SLIT2: variants seen among roughly 807,000 people sequenced by gnomAD.
SLIT2 encodes slit homolog 2 protein.
SLIT2 carries 41 observed loss-of-function variants against 185.7 expected under a neutral mutation model. The observed-to-expected ratio is 0.22, with a 90% CI of 0.17 to 0.29. SLIT2 has a LOEUF of 0.29. SLIT2 is among the 10% of genes least tolerant of loss of function. The pLI, the probability that SLIT2 is intolerant of heterozygous loss-of-function variation, is 1.00. For synonymous variants in SLIT2, 693 were observed against 680.2 expected, an observed-to-expected ratio of 1.02 and a Z score of -0.29; for missense variants, 1,571 against 1,909.0, an observed-to-expected ratio of 0.82 and a Z score of 3.30.
chr4:20,299,967 T>G (rs923895028), intron 4 of SLIT2, among the ~76,000 whole-genome samples: 1 of 61,380 alleles, frequency 1.6e-5, no homozygotes, highest in Admixed American at 1.4e-4. Context: ...ATGTATGATA[T>G]CATCATTCAA....
chr4:20,463,973 T>C (rs1355072176), intron 4 of SLIT2, among the ~76,000 whole-genome samples: 1 of 152,062 alleles, frequency 6.6e-6, no homozygotes, highest in African/African-American at 2.4e-5. Flanking sequence ...CTCATCTAAC[T>C]TCAGAGTGAC....
intron 29 of SLIT2, among the ~76,000 whole-genome samples, chr4:20,580,415 G>A (rs1184378585): frequency 9.5e-6 from 1 of 105,656 alleles, no homozygotes; most frequent in African/African-American, 3.2e-5. Flanking sequence ...TTATACGTGT[G>A]TGTGTGTGTG....
chr4:20,573,117 AG>A, intron 29 of SLIT2: 1 of 684,272 alleles, frequency 1.5e-6, no homozygotes, highest in Non-Finnish European at 2.7e-6. Flanking sequence ...GCCTTGCTTC[AG>A]CTTGCTCGCC....
chr4:20,540,508 T>G (rs1431774151), intron 19 of SLIT2, among the ~76,000 whole-genome samples: 1 of 151,926 alleles, frequency 6.6e-6, no homozygotes, highest in Non-Finnish European at 1.5e-5. Context: ...AATAAATAAA[T>G]AAATAAAATT....
At chr4:20,474,367 A>C (rs1214869231) in intron 5 of SLIT2, among the ~76,000 whole-genome samples, 1 of 152,048 alleles carries the variant, frequency 6.6e-6, no homozygotes, top group Non-Finnish European at 1.5e-5. Context: ...AGCACAATGA[A>C]TTGTGATAAT....
rs369387236 is a variant in SLIT2 at position 20,435,183 on chromosome 4, G to T, written c.396-32569G>T. Among the ~76,000 whole-genome samples, 53 of 152,304 alleles carry T rather than the reference G, an allele frequency of 3.5e-4. No homozygotes were observed. In the South Asian group the frequency reaches 8.5e-3, roughly 24 times the overall value. ...TTTTTCACTCATTAGTTGTGAGAAA[G>T]TGCTGTATGTGCAACCTTTTGCTAG... On this transcript the variant is annotated intron_variant, in intron 4 of 36. Transcript: ENST00000504154.
At chr4:20,275,817 AT>A (rs1714118263) in intron 4 of SLIT2, among the ~76,000 whole-genome samples, 1 of 152,134 alleles carries the variant, frequency 6.6e-6, no homozygotes, top group Admixed American at 6.5e-5. Flanking sequence ...CTCAGGAACT[AT>A]TTGTTAGTGC....
rs1282013884 is a variant in SLIT2, at chr4:20,252,212, G to C, written c.-1604G>C. On this transcript the variant is annotated 5_prime_UTR_variant, in exon 1 of 37. Transcript: ENST00000504154. The stretch of plus-strand genomic sequence containing the variant: ...CAGTCAGCCCCAGCGAACAACTCCA[G>C]TTACGACAACAACCCACCTTCCTTC... Among the ~76,000 whole-genome samples, 3 of 152,138 alleles carry C rather than the reference G, an allele frequency of 2.0e-5. No individual in the cohort carries two copies. The highest frequency in any genetic ancestry group is 4.4e-5 in the Non-Finnish European group (3 of 68,020).
intron 26 of SLIT2, among the ~76,000 whole-genome samples, chr4:20,566,290 G>A (rs1027717031): frequency 1.3e-5 from 2 of 152,174 alleles, no homozygotes; most frequent in South Asian, 4.1e-4. Context: ...TATAATTAAT[G>A]TTGACAGTAA....
rs984174719 is a variant in SLIT2, at chr4:20,578,083, C to A, written c.3088+9079C>A. On this transcript the variant is annotated intron_variant, in intron 29 of 36. Transcript: ENST00000504154. ...CAAATCTGCTATCAGTTTTTTAATTCTCTCTTTGCTTCCTTACATTGTTCT... is the reference window on the plus strand; with the variant it reads ...CAAATCTGCTATCAGTTTTTTAATTATCTCTTTGCTTCCTTACATTGTTCT... 2.6e-5 allele frequency among the ~76,000 whole-genome samples: 4 copies of A among 152,226 alleles called. No individual in the cohort carries two copies. In the East Asian group the frequency reaches 7.7e-4, roughly 29 times the overall value.
chr4:20,467,617 C>T lies in SLIT2; in HGVS notation c.396-135C>T, dbSNP rs1577712352. The T allele has an allele frequency of 8.6e-6, 4 of 466,454 alleles. No homozygotes were observed. The East Asian group carries it at 1.6e-4, about 18-fold the overall frequency. The allele number at this position is 466,454 out of a possible 1,614,324, so 28.9% of individuals were successfully genotyped here. ...TTTATATTAGAAACTGCATATAATGCTATGGATTTAATTATGATCCTTTTA... is the reference window on the plus strand; with the variant it reads ...TTTATATTAGAAACTGCATATAATGTTATGGATTTAATTATGATCCTTTTA... On this transcript the variant is annotated intron_variant, in intron 4 of 36. Transcript: ENST00000504154.
rs1181207903 is a variant in SLIT2 at position 20,484,758 on chromosome 4, C to T, written c.540-1442C>T. Among the ~76,000 whole-genome samples the T allele has an allele frequency of 6.6e-6, 1 of 152,138 alleles. No individual in the cohort carries two copies. Among genetic ancestry groups the T allele is most frequent in the Non-Finnish European group, 1.5e-5 (1 of 67,996 alleles). Reference sequence around the variant, plus strand: ...TAGAAAGATCTAAAAATTTTTATCTCTAGCTTCCCTTGGAAAATCTGATTG... The same window carrying T: ...TAGAAAGATCTAAAAATTTTTATCTTTAGCTTCCCTTGGAAAATCTGATTG... On this transcript the variant is annotated intron_variant, in intron 6 of 36. Transcript: ENST00000504154. The surrounding 1 kb of genome is among the most constrained non-coding windows in gnomAD (Gnocchi z 4.3).
At chr4:20,434,729 T>A (rs1729236059) in intron 4 of SLIT2, among the ~76,000 whole-genome samples, 1 of 152,090 alleles carries the variant, frequency 6.6e-6, no homozygotes, top group Admixed American at 6.6e-5. Context: ...GGCTGAACCA[T>A]AGAGATTTGA....
At chr4:20,442,532 A>C (rs1729843675) in intron 4 of SLIT2, among the ~76,000 whole-genome samples, 1 of 150,906 alleles carries the variant, frequency 6.6e-6, no homozygotes, top group Admixed American at 6.6e-5. Flanking sequence ...TCAAAAAAAA[A>C]AAAAAAAAAA....
intron 4 of SLIT2, among the ~76,000 whole-genome samples, chr4:20,441,885 A>C (rs1031878016): frequency 6.6e-6 from 1 of 152,196 alleles, no homozygotes; most frequent in African/African-American, 2.4e-5. Context: ...AACATTATCT[A>C]TGTAATTATC....
intron 4 of SLIT2, among the ~76,000 whole-genome samples, chr4:20,380,871 G>A (rs1035567330): frequency 1.3e-4 from 20 of 152,046 alleles, no homozygotes; most frequent in African/African-American, 4.3e-4. Context: ...TTTTCCAAAT[G>A]TATTGACAAT....
chr4:20,490,773 T>G, intron 8 of SLIT2: 1 of 1,478,028 alleles, frequency 6.8e-7, no homozygotes. Flanking sequence ...CACTTTTTTC[T>G]CTCTTCACTT....
intron 33 of SLIT2, among the ~76,000 whole-genome samples, chr4:20,606,135 T>C (rs1260254877): frequency 1.3e-5 from 2 of 152,134 alleles, no homozygotes; most frequent in East Asian, 3.9e-4. Flanking sequence ...CAGCAAGAAA[T>C]ACCAAGTTAG....
intron 4 of SLIT2, among the ~76,000 whole-genome samples, chr4:20,307,044 ACCTT>A (rs141169053): frequency 0.03 from 4,514 of 148,000 alleles, 96 homozygotes; most frequent in African/African-American, 0.061. Context: ...CTTTTTACCT[ACCTT>A]CCTTCCTTCC....
Sources: allele counts gnomAD v4.1 joint callset (sites outside exome capture counted in the v4.1 genomes callset), GRCh38; gene constraint gnomAD v4.1.1; non-coding constraint Gnocchi (gnomAD v3.1); transcripts MANE v1.5; gene names NCBI Gene and HGNC (gene_info 2026-07-23, HGNC 2026-07-21).